Variants in VAV3 observed in about 807,000 individuals in gnomAD.
The protein encoded by VAV3 is guanine nucleotide exchange factor VAV3.
Under a neutral mutation model 131.2 loss-of-function variants are expected in VAV3, and 94 were observed. The observed-to-expected ratio is 0.72, with a 90% CI of 0.61 to 0.85. The LOEUF (loss-of-function observed/expected upper bound fraction) is 0.85, where lower values mean the gene tolerates loss of function less well. VAV3 is among the 40% of genes least tolerant of loss of function. The pLI, the probability that VAV3 is intolerant of heterozygous loss-of-function variation, is 0.00. For synonymous variants in VAV3, 349 were observed against 342.0 expected, an observed-to-expected ratio of 1.02 and a Z score of -0.22; for missense variants, 939 against 1,002.7, an observed-to-expected ratio of 0.94 and a Z score of 0.86.
chr1:107,918,039 C>T (rs1672705835), intron 1 of VAV3, among the ~76,000 whole-genome samples: 1 of 152,162 alleles, frequency 6.6e-6, no homozygotes, highest in Non-Finnish European at 1.5e-5. Flanking sequence ...AATACCTTTC[C>T]TATGGGAACC....
chr1:107,941,333 A>G (rs1244812412), intron 1 of VAV3, among the ~76,000 whole-genome samples: 3 of 152,164 alleles, frequency 2.0e-5, no homozygotes, highest in Non-Finnish European at 4.4e-5. Flanking sequence ...TTACAAGCAG[A>G]AATTTTTAGT....
intron 25 of VAV3, among the ~76,000 whole-genome samples, chr1:107,584,966 T>C (rs1650367699): frequency 6.6e-6 from 1 of 152,194 alleles, no homozygotes; most frequent in African/African-American, 2.4e-5. Flanking sequence ...TCATAGGAGA[T>C]ATAATGAATA....
chr1:107,633,459 A>T (rs1358064184), intron 20 of VAV3, among the ~76,000 whole-genome samples: 1 of 152,152 alleles, frequency 6.6e-6, no homozygotes, highest in Non-Finnish European at 1.5e-5. Context: ...CTTTGTTGTG[A>T]AAAACTGATT....
chr1:107,768,655 CTAACT>C (rs1413589826), intron 6 of VAV3, 146 bp from the exon 7 acceptor site: 5 of 547,138 alleles, frequency 9.1e-6, no homozygotes, highest in Non-Finnish European at 1.6e-5. Context: ...ACTATTTTCT[CTAACT>C]TAAAGACTTT....
At chr1:107,575,828 A>T (rs1169813274) in intron 25 of VAV3, among the ~76,000 whole-genome samples, 3 of 152,152 alleles carry the variant, frequency 2.0e-5, no homozygotes, top group Non-Finnish European at 4.4e-5. Context: ...CAGAAAACAG[A>T]CTTTATCTAA....
chr1:107,959,323 G>A (rs911844714), intron 1 of VAV3, among the ~76,000 whole-genome samples: 7 of 151,816 alleles, frequency 4.6e-5, no homozygotes, highest in African/African-American at 7.3e-5. Flanking sequence ...TCCCCTAGTA[G>A]CCACTATCCC....
chr1:107,884,434 T>TATTATC lies in VAV3; in HGVS notation c.205-9418_205-9417insGATAAT, dbSNP rs1553225701. Among the ~76,000 whole-genome samples, 5 of 145,144 alleles carry TATTATC rather than the reference T, an allele frequency of 3.4e-5. No individual in the cohort carries two copies. The South Asian group carries it at 1.1e-3, about 31-fold the overall frequency. Reference sequence around the variant, plus strand: ...TTATTATTATTATTATTATTATTATTATTATTATTATTATTATTTTGAGAC... The same window carrying TATTATC: ...TTATTATTATTATTATTATTATTATTATTATCATTATTATTATTATTATTTTGAGAC... On this transcript the variant is annotated intron_variant, in intron 1 of 26. Coordinates refer to ENST00000370056, the MANE Select transcript of VAV3 (RefSeq NM_006113.5).
intron 25 of VAV3, among the ~76,000 whole-genome samples, chr1:107,575,015 GCACAC>G (rs1649537120): frequency 1.5e-4 from 4 of 25,916 alleles, no homozygotes; most frequent in South Asian, 1.4e-3. Flanking sequence ...GCGCGCGCGC[GCACAC>G]GCGCGCGTGT....
In VAV3 at chr1:107,793,291, C is replaced by A. The variant is rs191023524; in HGVS notation, c.322-13799G>T. On this transcript the variant is annotated intron_variant, in intron 2 of 26. Coordinates refer to ENST00000370056, the MANE Select transcript of VAV3 (RefSeq NM_006113.5). ...GAGTGTGTAACTAAAACCACAAAAA[C>A]CAAAACAGCCTGTCATGAACGCTAC... 1.1e-4 allele frequency among the ~76,000 whole-genome samples: 16 copies of A among 152,268 alleles called. No homozygotes were observed. The East Asian group carries it at 2.7e-3, about 26-fold the overall frequency.
At position 107,925,636 on chromosome 1, in the gene VAV3, T is replaced by C. The variant is rs117946573; in HGVS notation, c.204+39030A>G. On this transcript the variant is annotated intron_variant, in intron 1 of 26. Transcript: ENST00000370056. The stretch of plus-strand genomic sequence containing the variant: ...GAGGTATCTAGTGTAGTCAAATGCA[T>C]AGGTACAAAAAGTAGAATGGTGGCT... Among the ~76,000 whole-genome samples the C allele has an allele frequency of 6.6e-5, 10 of 152,072 alleles. No homozygotes were observed. In the East Asian group the frequency reaches 1.9e-3, roughly 30 times the overall value.
chr1:107,610,027 C>A, intron 21 of VAV3, 62 bp from the exon 22 acceptor site: 2 of 1,521,014 alleles, frequency 1.3e-6, no homozygotes, highest in Non-Finnish European at 1.8e-6. Context: ...AGAAATCAAT[C>A]ATTAATTCAG....
At chr1:107,751,251 TAA>T in intron 12 of VAV3, 49 bp from the exon 13 acceptor site, 1 of 1,404,932 alleles carries the variant, frequency 7.1e-7, no homozygotes, top group Non-Finnish European at 1.0e-6. Flanking sequence ...CACATGAAAA[TAA>T]AAACAAATAT....
chr1:107,573,244 C>A lies in VAV3; in HGVS notation c.*87G>T. On this transcript the variant is annotated 3_prime_UTR_variant, in exon 27 of 27. Transcript: ENST00000370056. ...ACAGCCAGAAATGCAGCTTTTTAAA[C>A]ACTTCAGTTAATTCACGATGCTGTG... The A allele has an allele frequency of 6.8e-7, 1 of 1,476,064 alleles. No individual in the cohort carries two copies. Among genetic ancestry groups the A allele is most frequent in the Admixed American group, 2.0e-5 (1 of 50,430 alleles). The allele number at this position is 1,476,064 out of a possible 1,614,324, so 91.4% of individuals were successfully genotyped here. A position where few individuals can be genotyped will look rare whatever the true frequency, so the allele number is the denominator to read the frequency against.
chr1:107,816,701 CGTT>C (rs1276763116), intron 2 of VAV3, among the ~76,000 whole-genome samples: 5 of 152,112 alleles, frequency 3.3e-5, no homozygotes, highest in African/African-American at 4.8e-5. Context: ...AATAAATTCT[CGTT>C]GTAGATAATT....
intron 19 of VAV3, among the ~76,000 whole-genome samples, chr1:107,656,257 A>G (rs779832615): frequency 2.0e-5 from 3 of 152,194 alleles, no homozygotes; most frequent in Non-Finnish European, 2.9e-5. Flanking sequence ...ACACAATGAA[A>G]CATCATTCAG....
At chr1:107,936,308 A>C (rs1183937582) in intron 1 of VAV3, among the ~76,000 whole-genome samples, 1 of 152,174 alleles carries the variant, frequency 6.6e-6, no homozygotes, top group Non-Finnish European at 1.5e-5. Context: ...CATTTAGCCA[A>C]TGAAAAATTC....
rs1394346423 is a variant in VAV3, at chr1:107,814,012, GTGTA to G, written c.322-34524_322-34521del. 4.2e-4 allele frequency among the ~76,000 whole-genome samples: 59 copies of G among 141,374 alleles called. 1 individual carries two copies. The highest frequency in any genetic ancestry group is 6.7e-4 in the Non-Finnish European group (43 of 64,148). The allele number at this position is 141,374 out of a possible 152,430, so 92.7% of individuals were successfully genotyped here. A position where few individuals can be genotyped will look rare whatever the true frequency, so the allele number is the denominator to read the frequency against. On this transcript the variant is annotated intron_variant, in intron 2 of 26. Coordinates refer to ENST00000370056, the MANE Select transcript of VAV3 (RefSeq NM_006113.5). The stretch of plus-strand genomic sequence containing the variant: ...TGTGTGTGTGTGTGTGTGTGTGTGT[GTGTA>G]TACACACCATGTTTTCTTTACCCAT...
intron 19 of VAV3, among the ~76,000 whole-genome samples, chr1:107,651,134 C>T (rs1051079856): frequency 6.6e-6 from 1 of 152,122 alleles, no homozygotes. Context: ...AGACAGCCAT[C>T]TGTAATGGCC....
At chr1:107,873,591 G>T (rs779141162) in intron 2 of VAV3, among the ~76,000 whole-genome samples, 11 of 152,126 alleles carry the variant, frequency 7.2e-5, no homozygotes, top group Non-Finnish European at 1.6e-4. Flanking sequence ...TGTGATTCAT[G>T]GCCACAGACA....
Sources: gnomAD v4.1 joint callset for allele counts (sites outside exome capture counted in the v4.1 genomes callset) on GRCh38, gnomAD v4.1.1 for gene constraint, MANE v1.5 for transcripts, NCBI Gene and HGNC (gene_info 2026-07-23, HGNC 2026-07-21) for gene names.